The following SCUBE1 variants were observed in gnomAD, a reference collection of about 807,000 sequenced individuals.
SCUBE1 encodes signal peptide, CUB domain and EGF like domain containing 1.
A neutral mutation model predicts 124.4 loss-of-function variants in SCUBE1; 59 were observed. The observed-to-expected ratio is 0.47, with a 90% CI of 0.38 to 0.59. The LOEUF is 0.59. SCUBE1 is among the 20% of genes least tolerant of loss of function. The pLI is 0.00. For synonymous variants in SCUBE1, 545 were observed against 550.9 expected, an observed-to-expected ratio of 0.99 and a Z score of 0.15; for missense variants, 1,150 against 1,371.2, an observed-to-expected ratio of 0.84 and a Z score of 2.55.
At chr22:43,341,494 G>A (rs1894718) in intron 1 of SCUBE1, among the ~76,000 whole-genome samples, 15,706 of 152,240 alleles carry the variant, frequency 0.1, 1,091 homozygotes, top group East Asian at 0.36. Flanking sequence ...AATGAGGGGT[G>A]GGAGCCCCTT....
rs1339980637 is a variant in SCUBE1 at position 43,258,104 on chromosome 22, T to G, written c.727+115A>C. 2.5e-6 allele frequency: 2 copies of G among 795,276 alleles called. No individual in the cohort carries two copies. The highest frequency in any genetic ancestry group is 4.3e-6 in the Non-Finnish European group (2 of 466,436). 49.3% of individuals were successfully genotyped at this position (795,276 alleles called of 1,614,324 possible). A position where few individuals can be genotyped will look rare whatever the true frequency, so the allele number is the denominator to read the frequency against. On this transcript the variant is annotated intron_variant, in intron 6 of 21. Transcript: ENST00000360835. This position sits in a 1 kb window ranked among gnomAD's most constrained non-coding sequence, Gnocchi z 5.0. ...ATGGGCTTGCCTTTCCTTGTTTCCCTGAAGCTTCCTTCCGGGGAACCCGGA... is the reference window on the plus strand; with the variant it reads ...ATGGGCTTGCCTTTCCTTGTTTCCCGGAAGCTTCCTTCCGGGGAACCCGGA...
At chr22:43,245,184 G>C (rs940463740) in intron 6 of SCUBE1, among the ~76,000 whole-genome samples, 2 of 152,266 alleles carry the variant, frequency 1.3e-5, no homozygotes, top group African/African-American at 2.4e-5. Flanking sequence ...CGTCACTAGT[G>C]TTGTGCAGCA....
At chr22:43,266,279 G>GCGC (rs1191796781) in intron 4 of SCUBE1, among the ~76,000 whole-genome samples, 1 of 152,104 alleles carries the variant, frequency 6.6e-6, no homozygotes, top group Non-Finnish European at 1.5e-5. Flanking sequence ...TGCTTCTGAG[G>GCGC]CGCCTCCTCC....
chr22:43,228,512 T>C (rs1291196903), intron 9 of SCUBE1, among the ~76,000 whole-genome samples: 2 of 152,180 alleles, frequency 1.3e-5, no homozygotes, highest in Non-Finnish European at 2.9e-5. Context: ...TCAACTCCCC[T>C]GCGGGCTCAC....
In SCUBE1 at chr22:43,204,122, C is replaced by T. The variant is rs771750977; in HGVS notation, c.2842G>A (p.Asp948Asn). ...TAGTTCTGGGGATGCGCCAGCACGTCGAAGAGGGCCTTGATCAGCTTCTTG... is the reference window on the plus strand; with the variant it reads ...TAGTTCTGGGGATGCGCCAGCACGTTGAAGAGGGCCTTGATCAGCTTCTTG... ...KDKKLIKALF[D>N]VLAHPQNYFK... is the part of the protein sequence containing the mutation. Residue 948 changes from aspartate (D) to asparagine (N), a missense_variant, in exon 22 of 22, where the codon GAC becomes AAC. Around this residue, in one of 3 missense-constraint regions of SCUBE1, gnomAD observed 757 missense variants for 840.9 expected, o/e 0.90. Coordinates refer to ENST00000360835, the MANE Select transcript of SCUBE1 (RefSeq NM_173050.5). 7 of 1,613,804 alleles carry T rather than the reference C, an allele frequency of 4.3e-6. No homozygotes were observed. Among genetic ancestry groups the T allele is most frequent in the Admixed American group, 3.3e-5 (2 of 59,990 alleles).
intron 2 of SCUBE1, among the ~76,000 whole-genome samples, chr22:43,333,337 G>A (rs999935502): frequency 1.3e-5 from 2 of 152,202 alleles, no homozygotes; most frequent in African/African-American, 4.8e-5. Flanking sequence ...TAGGCTGACC[G>A]CAGGGGGCCC....
chr22:43,209,634 C>A (rs559357971), intron 19 of SCUBE1, among the ~76,000 whole-genome samples: 2 of 152,310 alleles, frequency 1.3e-5, no homozygotes, highest in Non-Finnish European at 1.5e-5. Context: ...GCCGTGTGGT[C>A]CCCCAAACCT....
At chr22:43,263,855 TCTAA>T (rs1923964170) in intron 4 of SCUBE1, among the ~76,000 whole-genome samples, 1 of 152,034 alleles carries the variant, frequency 6.6e-6, no homozygotes, top group Non-Finnish European at 1.5e-5. Flanking sequence ...TGACGCAGAG[TCTAA>T]CTAAGCAACG....
At chr22:43,207,861 C>G (rs1414832886) in intron 20 of SCUBE1, among the ~76,000 whole-genome samples, 4 of 152,242 alleles carry the variant, frequency 2.6e-5, no homozygotes, top group Non-Finnish European at 4.4e-5. Context: ...TCAGCTGAAG[C>G]CTGCAGAGGC....
At chr22:43,274,916 G>A (rs771210926) in intron 4 of SCUBE1, among the ~76,000 whole-genome samples, 2 of 152,340 alleles carry the variant, frequency 1.3e-5, no homozygotes, top group Non-Finnish European at 1.5e-5. Flanking sequence ...ATGGGCTCGG[G>A]GCACAGTAGG....
chr22:43,238,539 T>A, intron 7 of SCUBE1: 1 of 594,024 alleles, frequency 1.7e-6, no homozygotes, highest in Non-Finnish European at 3.0e-6. Context: ...AGACGCTGGC[T>A]TAACTGTTTA....
At chr22:43,321,545 C>T (rs879603378) in intron 2 of SCUBE1, among the ~76,000 whole-genome samples, 8 of 152,170 alleles carry the variant, frequency 5.3e-5, no homozygotes, top group African/African-American at 7.2e-5. Context: ...GAAGTGAACG[C>T]GCCAGAGTAA....
rs899020083 is a variant in SCUBE1, at chr22:43,211,612, G to T, written c.2222-529C>A. On this transcript the variant is annotated intron_variant, in intron 17 of 21. Transcript: ENST00000360835. This position sits in a 1 kb window ranked among gnomAD's most constrained non-coding sequence, Gnocchi z 4.5. The stretch of plus-strand genomic sequence containing the variant: ...GCTCACTGCAACCTCCACCTCCTGG[G>T]TTCAAGCGATCCTCCCCTCCCAGTC... Among the ~76,000 whole-genome samples the T allele has an allele frequency of 6.6e-6, 1 of 151,940 alleles. No individual in the cohort carries two copies. Among genetic ancestry groups the T allele is most frequent in the Non-Finnish European group, 1.5e-5 (1 of 67,976 alleles).
intron 19 of SCUBE1, 63 bp downstream of exon 19, chr22:43,209,980 G>T (rs866587853): frequency 6.0e-6 from 9 of 1,495,824 alleles, no homozygotes; most frequent in Non-Finnish European, 8.1e-6. Context: ...TGGCAGAACC[G>T]CAGCGAGACG....
intron 19 of SCUBE1, among the ~76,000 whole-genome samples, chr22:43,208,440 T>A (rs1921392239): frequency 6.6e-6 from 1 of 152,142 alleles, no homozygotes; most frequent in South Asian, 2.1e-4. Flanking sequence ...CCCATCTCTG[T>A]CCCCTCTTCC....
rs550984674 is a variant in SCUBE1, at chr22:43,338,173, A to G, written c.220+931T>C. Among the ~76,000 whole-genome samples, 52 of 152,312 alleles carry G rather than the reference A, an allele frequency of 3.4e-4. No homozygotes were observed. The East Asian group carries it at 9.4e-3, about 28-fold the overall frequency. On this transcript the variant is annotated intron_variant, in intron 2 of 21. Coordinates refer to ENST00000360835, the MANE Select transcript of SCUBE1 (RefSeq NM_173050.5). The stretch of plus-strand genomic sequence containing the variant: ...GACGGCCATGCAGACTCTCATGGAC[A>G]AAAGCTCCAAAGGTTCCAATGGGCT...
At chr22:43,303,048 C>T (rs1438166478) in intron 3 of SCUBE1, among the ~76,000 whole-genome samples, 1 of 152,222 alleles carries the variant, frequency 6.6e-6, no homozygotes, top group Non-Finnish European at 1.5e-5. Context: ...CTGGCCAGTT[C>T]ATCCTGCCAG....
At chr22:43,338,883 G>C (rs1242038542) in intron 2 of SCUBE1, among the ~76,000 whole-genome samples, 1 of 152,210 alleles carries the variant, frequency 6.6e-6, no homozygotes, top group Non-Finnish European at 1.5e-5. Context: ...TTGAGAATCA[G>C]GCACCCCATG....
intron 6 of SCUBE1, 172 bp from the exon 7 acceptor site, chr22:43,239,126 C>T: frequency 1.7e-6 from 1 of 605,562 alleles, no homozygotes; most frequent in South Asian, 2.0e-5. Flanking sequence ...CTCTCTGAGC[C>T]TCAAGCTCCC....
Sources: allele counts gnomAD v4.1 joint callset (sites outside exome capture counted in the v4.1 genomes callset), GRCh38; gene constraint gnomAD v4.1.1; regional missense constraint gnomAD v4.1.1; non-coding constraint Gnocchi (gnomAD v3.1); transcripts MANE v1.5; gene names NCBI Gene and HGNC (gene_info 2026-07-23, HGNC 2026-07-21).